MEIS1: variants seen among roughly 807,000 people sequenced by gnomAD.
MEIS1 encodes the protein Meis homeobox 1, also known as homeobox protein Meis1.
Under a neutral mutation model 50.8 loss-of-function variants are expected in MEIS1, and 5 were observed. That is an observed-to-expected ratio of 0.10 (90% CI 0.05 to 0.21). MEIS1 has a LOEUF of 0.21. MEIS1 is among the 10% of genes least tolerant of loss of function. The pLI is 1.00. For missense variants in MEIS1, 318 were observed against 517.3 expected, an observed-to-expected ratio of 0.61 and a Z score of 3.74; for synonymous variants, 176 against 179.3, an observed-to-expected ratio of 0.98 and a Z score of 0.15.
At chr2:66,538,991 G>A (rs1430213620) in intron 8 of MEIS1, among the ~76,000 whole-genome samples, 1 of 152,110 alleles carries the variant, frequency 6.6e-6, no homozygotes, top group African/African-American at 2.4e-5. Context: ...GGGTTCAAGC[G>A]ATTATTCTGC....
At chr2:66,497,090 T>A (rs1027335242) in intron 7 of MEIS1, among the ~76,000 whole-genome samples, 1 of 152,196 alleles carries the variant, frequency 6.6e-6, no homozygotes, top group Non-Finnish European at 1.5e-5. Context: ...GGGTCAGACA[T>A]GTGCTGGCTG....
intron 7 of MEIS1, among the ~76,000 whole-genome samples, chr2:66,466,068 T>A (rs1460938448): frequency 6.6e-6 from 1 of 152,228 alleles, no homozygotes; most frequent in Admixed American, 6.5e-5. Flanking sequence ...ATTATCTTAT[T>A]TGAATGATCT....
intron 9 of MEIS1, 57 bp from the exon 10 acceptor site, chr2:66,567,396 T>C (rs1675374374): frequency 6.4e-7 from 1 of 1,560,622 alleles, no homozygotes; most frequent in African/African-American, 1.4e-5. Flanking sequence ...TTCCTCTTCC[T>C]CAACCCCCCC....
chr2:66,445,742 G>A (rs1672117109), intron 6 of MEIS1, among the ~76,000 whole-genome samples: 2 of 152,184 alleles, frequency 1.3e-5, no homozygotes, highest in Non-Finnish European at 2.9e-5. Context: ...TTTGATACTA[G>A]GCGGTATCCC....
At chr2:66,441,060 A>G in intron 4 of MEIS1, 1 of 333,836 alleles carries the variant, frequency 3.0e-6, no homozygotes, top group Non-Finnish European at 5.4e-6. Context: ...TTTGAGGGCC[A>G]TTTGGAATAT....
At chr2:66,439,755 G>C (rs182431230) in intron 2 of MEIS1, 88 bp from the exon 3 acceptor site, 2 of 1,604,180 alleles carry the variant, frequency 1.2e-6, no homozygotes, top group Non-Finnish European at 1.7e-6. Context: ...TGTTCCTCTT[G>C]CTCCTCCAGC....
chr2:66,437,712 T>A (rs774075086), intron 1 of MEIS1, 25 bp from the exon 2 acceptor site: 2 of 1,610,964 alleles, frequency 1.2e-6, no homozygotes, highest in South Asian at 2.2e-5. Context: ...TCCTGAACCT[T>A]CTTTCTCTCC....
chr2:66,552,028 GAC>G (rs71980656), intron 9 of MEIS1, among the ~76,000 whole-genome samples: 329 of 147,032 alleles, frequency 2.2e-3, no homozygotes, highest in African/African-American at 5.7e-3. Context: ...CTTTATGGAA[GAC>G]ACACACACAC....
chr2:66,442,264 TTTTTGTAAAAAAAA>T (rs774498597), intron 5 of MEIS1, among the ~76,000 whole-genome samples: 11,645 of 128,372 alleles, frequency 0.091, 565 homozygotes, highest in Non-Finnish European at 0.13. Flanking sequence ...TTCCTTCTCC[TTTTTGTAAAAAAAA>T]AAAAAAAAAA....
intron 7 of MEIS1, among the ~76,000 whole-genome samples, chr2:66,482,238 A>G (rs1025198569): frequency 8.5e-5 from 13 of 152,150 alleles, no homozygotes; most frequent in African/African-American, 3.1e-4. Context: ...AATTTTTCAA[A>G]CAAATAACTC....
At chr2:66,445,704 A>C (rs1445053526) in intron 6 of MEIS1, among the ~76,000 whole-genome samples, 1 of 151,304 alleles carries the variant, frequency 6.6e-6, no homozygotes, top group Non-Finnish European at 1.5e-5. Flanking sequence ...GAAGACTGCC[A>C]CCCGCGCGGG....
intron 9 of MEIS1, among the ~76,000 whole-genome samples, chr2:66,560,545 C>G (rs1043731507): frequency 1.2e-4 from 18 of 149,210 alleles, no homozygotes; most frequent in African/African-American, 4.5e-4. Flanking sequence ...GATAGTGCCA[C>G]TACACTCCAG....
chr2:66,528,347 C>A (rs1382079727), intron 8 of MEIS1, among the ~76,000 whole-genome samples: 1 of 152,116 alleles, frequency 6.6e-6, no homozygotes, highest in Non-Finnish European at 1.5e-5. Flanking sequence ...GGGTCCCTTC[C>A]AGCTCCAATG....
chr2:66,456,661 A>G (rs1672397297), intron 6 of MEIS1, among the ~76,000 whole-genome samples: 1 of 152,250 alleles, frequency 6.6e-6, no homozygotes, highest in Admixed American at 6.5e-5. Flanking sequence ...GAACCCTGGC[A>G]GGGCTTACAG....
chr2:66,506,533 C>A (rs930596963), intron 7 of MEIS1, among the ~76,000 whole-genome samples: 2 of 152,068 alleles, frequency 1.3e-5, no homozygotes, highest in Non-Finnish European at 2.9e-5. Context: ...GGAGAGAGAT[C>A]GTGAAAGGCC....
chr2:66,495,821 G>A (rs567867855), intron 7 of MEIS1, among the ~76,000 whole-genome samples: 2 of 152,318 alleles, frequency 1.3e-5, no homozygotes, highest in Middle Eastern at 3.4e-3. Flanking sequence ...GAAATTGGCC[G>A]CTGTGCAGGC....
intron 7 of MEIS1, among the ~76,000 whole-genome samples, chr2:66,477,859 C>CA (rs145988648): frequency 0.021 from 3,145 of 152,268 alleles, 41 homozygotes; most frequent in Middle Eastern, 0.075. Context: ...GTAGAGTCTT[C>CA]AGATTACCTG....
chr2:66,461,840 T>G (rs931757336), intron 6 of MEIS1: 1 of 469,892 alleles, frequency 2.1e-6, no homozygotes, highest in South Asian at 1.6e-5. Context: ...GGAAAATCTT[T>G]TCATGGTGAA....
chr2:66,478,061 A>G (rs1011893921), intron 7 of MEIS1, among the ~76,000 whole-genome samples: 29 of 152,204 alleles, frequency 1.9e-4, no homozygotes, highest in Admixed American at 6.5e-4. Context: ...TGTCTTTCAA[A>G]GTAGCGTACT....
Sources: gnomAD v4.1 joint callset for allele counts (sites outside exome capture counted in the v4.1 genomes callset) on GRCh38, gnomAD v4.1.1 for gene constraint, MANE v1.5 for transcripts, NCBI Gene and HGNC (gene_info 2026-07-23, HGNC 2026-07-21) for gene names.